IL12RB2: variants seen among roughly 807,000 people sequenced by gnomAD.
IL12RB2 encodes interleukin 12 receptor subunit beta 2, also known as interleukin-12 receptor subunit beta-2.
A neutral mutation model predicts 89.4 loss-of-function variants in IL12RB2; 82 were observed. The observed-to-expected ratio is 0.92, with a 90% CI of 0.77 to 1.10. The LOEUF (loss-of-function observed/expected upper bound fraction) is 1.10, where lower values mean the gene tolerates loss of function less well. Among genes scored for constraint, IL12RB2 ranks in the 50% least tolerant of loss-of-function variants. The pLI, the probability that IL12RB2 is intolerant of heterozygous loss-of-function variation, is 0.00. For synonymous variants in IL12RB2, 368 were observed against 370.1 expected (o/e 0.99, Z 0.07); for missense variants, 963 against 1,031.9 (o/e 0.93, Z 0.92).
chr1:67,368,581 T>G (rs1662959214), intron 11 of IL12RB2, among the ~76,000 whole-genome samples: 1 of 152,216 alleles, frequency 6.6e-6, no homozygotes. Flanking sequence ...AATCTGTCAG[T>G]GGTGAGAATC....
intron 14 of IL12RB2, 87 bp downstream of exon 14, chr1:67,380,210 G>A (rs1664431199): frequency 3.5e-6 from 5 of 1,431,370 alleles, no homozygotes; most frequent in Middle Eastern, 3.5e-4. Flanking sequence ...GAGATAATCA[G>A]ATTTTCTTTA....
At chr1:67,388,076 C>T (rs1007295764) in intron 15 of IL12RB2, among the ~76,000 whole-genome samples, 5 of 151,896 alleles carry the variant, frequency 3.3e-5, no homozygotes, top group African/African-American at 1.2e-4. Flanking sequence ...ATTCAGGAGG[C>T]TGAGGCATGA....
chr1:67,359,493 G>A (rs1006807988), intron 10 of IL12RB2, among the ~76,000 whole-genome samples: 12 of 151,952 alleles, frequency 7.9e-5, no homozygotes, highest in Non-Finnish European at 2.9e-5. Context: ...GGGCTGAGTC[G>A]GGTGGATCAC....
chr1:67,363,378 A>G (rs1662340148), intron 10 of IL12RB2, among the ~76,000 whole-genome samples: 1 of 150,894 alleles, frequency 6.6e-6, no homozygotes, highest in African/African-American at 2.4e-5. Flanking sequence ...CACCATGCCC[A>G]GCTAATTTTG....
At chr1:67,319,995 C>T (rs1656287143) in intron 2 of IL12RB2, among the ~76,000 whole-genome samples, 1 of 152,138 alleles carries the variant, frequency 6.6e-6, no homozygotes, top group Non-Finnish European at 1.5e-5. Flanking sequence ...ACCTCTTGAT[C>T]TTGAACTTGC....
chr1:67,335,897 C>T (rs750587658), intron 8 of IL12RB2, among the ~76,000 whole-genome samples: 3 of 152,210 alleles, frequency 2.0e-5, no homozygotes, highest in Non-Finnish European at 4.4e-5. Context: ...TTTCAGTTTA[C>T]TTGCAATTTA....
chr1:67,321,502 T>G (rs1364798112), intron 3 of IL12RB2, 100 bp from the exon 4 acceptor site: 6 of 791,252 alleles, frequency 7.6e-6, no homozygotes, highest in Non-Finnish European at 1.4e-5. Flanking sequence ...CATGATCTGA[T>G]GGAGTTAATT....
intron 6 of IL12RB2, among the ~76,000 whole-genome samples, chr1:67,328,797 G>C (rs531516369): frequency 2.9e-4 from 44 of 152,316 alleles, no homozygotes; most frequent in Middle Eastern, 3.4e-3. Context: ...TGCTAGGCTA[G>C]AGCAGCGAGG....
At position 67,395,815 on chromosome 1, in the gene IL12RB2, G is replaced by A. The variant is rs1293540203; in HGVS notation, c.2315G>A (p.Ser772Asn). ...QLVDLYKVLE[S>N]RGSDPKPENP... is the part of the protein sequence containing the mutation. ...GTGGATCTGTACAAGGTGCTGGAGA[G>A]CAGGGGCTCCGACCCAAAGCCCGAA... The change falls in exon 17 of 17, where the codon AGC (serine) becomes AAC (asparagine). Residue 772 changes from serine to asparagine, a missense_variant. Coordinates refer to ENST00000674203, the MANE Select transcript of IL12RB2 (RefSeq NM_001374259.2). 4 of 1,612,766 alleles carry A rather than the reference G, an allele frequency of 2.5e-6. No individual in the cohort carries two copies. Among genetic ancestry groups the A allele is most frequent in the Admixed American group, 3.3e-5 (2 of 59,924 alleles).
intron 9 of IL12RB2, among the ~76,000 whole-genome samples, chr1:67,341,062 T>C (rs1471351716): frequency 2.6e-5 from 4 of 152,168 alleles, no homozygotes; most frequent in Non-Finnish European, 5.9e-5. Context: ...GTAGCCAGAA[T>C]TGTGGGCCCA....
Position 67,329,629 on chromosome 1 carries a change from A to C in IL12RB2, c.707A>C (p.Lys236Thr), listed in dbSNP as rs201771864. The stretch of plus-strand genomic sequence containing the variant: ...TGGGACATTAGAATCAAATTTCAAA[A>C]GGCTTCTGTGAGCAGATGTACCCTT... ...PPWDIRIKFQKASVSRCTLYW... is the reference protein window; with the variant it reads ...PPWDIRIKFQTASVSRCTLYW... Residue 236 changes from lysine (K) to threonine (T), a missense_variant, in exon 7 of 17, where the codon AAG becomes ACG. Physicochemically the swap from Lys to Thr is moderately conservative, Grantham distance 78. Coordinates refer to ENST00000674203, the MANE Select transcript of IL12RB2 (RefSeq NM_001374259.2). 2 of 1,579,980 alleles carry C rather than the reference A, an allele frequency of 1.3e-6. No homozygotes were observed. Among genetic ancestry groups the C allele is most frequent in the Non-Finnish European group, 1.7e-6 (2 of 1,148,878 alleles).
intron 10 of IL12RB2, among the ~76,000 whole-genome samples, chr1:67,364,062 C>T (rs1291762362): frequency 6.6e-6 from 1 of 152,184 alleles, no homozygotes; most frequent in African/African-American, 2.4e-5. Flanking sequence ...AAACAAGACC[C>T]AACTATAGTT....
At chr1:67,325,844 G>A (rs1452784772) in intron 4 of IL12RB2, among the ~76,000 whole-genome samples, 1 of 152,136 alleles carries the variant, frequency 6.6e-6, no homozygotes, top group Non-Finnish European at 1.5e-5. Context: ...TGGGTATTAG[G>A]GTAAAATGGG....
chr1:67,323,300 T>G (rs1295739286), intron 4 of IL12RB2, among the ~76,000 whole-genome samples: 1 of 152,210 alleles, frequency 6.6e-6, no homozygotes, highest in Non-Finnish European at 1.5e-5. Context: ...TTCACACCAC[T>G]GTGAGTCATA....
intron 2 of IL12RB2, among the ~76,000 whole-genome samples, chr1:67,319,245 C>A (rs149068173): frequency 1.6e-4 from 24 of 152,274 alleles, no homozygotes; most frequent in Non-Finnish European, 2.6e-4. Context: ...CACAGAACTT[C>A]CCAGCCTACT....
intron 9 of IL12RB2, among the ~76,000 whole-genome samples, chr1:67,349,824 A>G (rs1271901839): frequency 1.3e-5 from 2 of 152,240 alleles, no homozygotes; most frequent in Non-Finnish European, 2.9e-5. Context: ...CAGTATGCTA[A>G]TTGTTTCAGA....
At chr1:67,339,344 G>A (rs541973796) in intron 9 of IL12RB2, among the ~76,000 whole-genome samples, 53 of 152,010 alleles carry the variant, frequency 3.5e-4, no homozygotes, top group African/African-American at 1.1e-3. Context: ...AAAATTAGCC[G>A]GGCATGGTGG....
chr1:67,312,744 A>T (rs994759764), intron 1 of IL12RB2, among the ~76,000 whole-genome samples: 8 of 151,950 alleles, frequency 5.3e-5, no homozygotes, highest in African/African-American at 1.4e-4. Flanking sequence ...AGGAACAAAA[A>T]TTCGGAAGTC....
chr1:67,320,402 T>C lies in IL12RB2; in HGVS notation c.34T>C (p.Phe12Leu), dbSNP rs375777947. ...AHTFRGCSLA[F>L]MFIITWLLIK... ...TACTTTTAGAGGATGCTCATTGGCA[T>C]TTATGTTTATAATCACGTGGCTGTT... Residue 12 changes from phenylalanine to leucine, a missense_variant, in exon 3 of 17, where the codon TTT becomes CTT. By Grantham distance (22) the Phe-to-Leu change is conservative (BLOSUM62 0). Coordinates refer to ENST00000674203, the MANE Select transcript of IL12RB2 (RefSeq NM_001374259.2). 98 of 1,613,894 alleles carry C rather than the reference T, an allele frequency of 6.1e-5. No individual in the cohort carries two copies. Among genetic ancestry groups the C allele is most frequent in the Admixed American group, 1.3e-4 (8 of 60,000 alleles).
Sources: allele counts gnomAD v4.1 joint callset (sites outside exome capture counted in the v4.1 genomes callset), GRCh38; gene constraint gnomAD v4.1.1; transcripts MANE v1.5; gene names NCBI Gene and HGNC (gene_info 2026-07-23, HGNC 2026-07-21).